PPARGC1A: variants seen among roughly 807,000 people sequenced by gnomAD.
PPARGC1A encodes peroxisome proliferator-activated receptor gamma coactivator 1-alpha.
In PPARGC1A, 25 loss-of-function variants were observed where a neutral mutation model predicts 88.7. The observed-to-expected ratio is 0.28, with a 90% CI of 0.21 to 0.39. The LOEUF (loss-of-function observed/expected upper bound fraction) is 0.39. Among genes scored for constraint, PPARGC1A ranks in the 10% least tolerant of loss-of-function variants. PPARGC1A has a pLI of 1.00. For missense variants in PPARGC1A, 880 were observed against 968.7 expected (o/e 0.91, Z 1.22); for synonymous variants, 363 against 355.6 (o/e 1.02, Z -0.24).
the PPARGC1A span, among the ~76,000 whole-genome samples, chr4:23,961,707 T>C: frequency 1.3e-5 from 2 of 149,918 alleles, no homozygotes; most frequent in Non-Finnish European, 3.0e-5. Flanking sequence ...ACAAGCCCCC[T>C]GTGCCAGAAC....
the PPARGC1A span, among the ~76,000 whole-genome samples, chr4:23,993,841 A>C: frequency 6.6e-6 from 1 of 152,114 alleles, no homozygotes. Context: ...CAGCACAGTA[A>C]AGGCACAATA....
the PPARGC1A span, among the ~76,000 whole-genome samples, chr4:24,048,594 C>T: frequency 6.6e-6 from 1 of 152,132 alleles, no homozygotes; most frequent in African/African-American, 2.4e-5. Flanking sequence ...AGGCTTCAGA[C>T]AGGATTCAAG....
At chr4:24,274,975 G>A in the PPARGC1A span, among the ~76,000 whole-genome samples, 2 of 152,094 alleles carry the variant, frequency 1.3e-5, no homozygotes, top group South Asian at 2.1e-4. Flanking sequence ...AAACTTTGCC[G>A]CTAAGAAATA....
At chr4:24,274,533 CTTTA>C in the PPARGC1A span, among the ~76,000 whole-genome samples, 3 of 152,212 alleles carry the variant, frequency 2.0e-5, no homozygotes, top group South Asian at 2.1e-4. Context: ...TCCAATAAAA[CTTTA>C]TTTATCTACA....
chr4:23,902,178 A>T (rs1439424275), upstream of PPARGC1A, among the ~76,000 whole-genome samples: 2 of 152,230 alleles, frequency 1.3e-5, no homozygotes, highest in African/African-American at 4.8e-5. Context: ...TAAAATTTTT[A>T]AAAATGTAGT....
chr4:24,251,646 T>C, the PPARGC1A span, among the ~76,000 whole-genome samples: 5 of 152,340 alleles, frequency 3.3e-5, no homozygotes, highest in African/African-American at 1.2e-4. Flanking sequence ...TCAGTACTTT[T>C]CACACATCAT....
At chr4:24,012,631 C>A in the PPARGC1A span, among the ~76,000 whole-genome samples, 2 of 152,092 alleles carry the variant, frequency 1.3e-5, no homozygotes, top group African/African-American at 2.4e-5. Context: ...GCCTCCTAAG[C>A]CCTTCCTTGT....
chr4:24,383,901 A>G, the PPARGC1A span, among the ~76,000 whole-genome samples: 1 of 152,192 alleles, frequency 6.6e-6, no homozygotes, highest in Non-Finnish European at 1.5e-5. Context: ...TCTCGAGAAG[A>G]GCAACCCCAA....
chr4:24,059,319 A>G, the PPARGC1A span, among the ~76,000 whole-genome samples: 4 of 152,220 alleles, frequency 2.6e-5, no homozygotes, highest in Non-Finnish European at 4.4e-5. Flanking sequence ...TGTCCAACGT[A>G]TCAATGCAAA....
the PPARGC1A span, among the ~76,000 whole-genome samples, chr4:24,186,601 G>A: frequency 6.6e-6 from 1 of 152,076 alleles, no homozygotes; most frequent in Non-Finnish European, 1.5e-5. Context: ...CCTGTCAGGT[G>A]GTGAGGAAGG....
chr4:23,871,103 T>G (rs368548422), intron 2 of PPARGC1A, among the ~76,000 whole-genome samples: 1 of 152,222 alleles, frequency 6.6e-6, no homozygotes, highest in Non-Finnish European at 1.5e-5. Context: ...CAGACTTAGT[T>G]ATCTGCCAAG....
chr4:24,416,662 G>A, the PPARGC1A span, among the ~76,000 whole-genome samples: 4 of 152,290 alleles, frequency 2.6e-5, no homozygotes, highest in African/African-American at 7.2e-5. Context: ...GAACTGGCCC[G>A]TGGGAGAGGC....
At chr4:24,149,812 A>G in the PPARGC1A span, among the ~76,000 whole-genome samples, 1 of 152,228 alleles carries the variant, frequency 6.6e-6, no homozygotes, top group Admixed American at 6.5e-5. Context: ...GTTATGAAAT[A>G]ATAGAAATTA....
the PPARGC1A span, among the ~76,000 whole-genome samples, chr4:24,422,441 T>C: frequency 6.6e-6 from 1 of 152,158 alleles, no homozygotes; most frequent in East Asian, 1.9e-4. Context: ...CATTTCAGAT[T>C]CTTTTTATTA....
the PPARGC1A span, among the ~76,000 whole-genome samples, chr4:24,230,313 C>A: frequency 6.6e-6 from 1 of 152,088 alleles, no homozygotes; most frequent in Non-Finnish European, 1.5e-5. Context: ...CAGTCAAAGC[C>A]CCCCACTTCA....
chr4:23,852,003 C>T (rs1729375116), intron 2 of PPARGC1A, among the ~76,000 whole-genome samples: 1 of 152,128 alleles, frequency 6.6e-6, no homozygotes, highest in Admixed American at 6.5e-5. Flanking sequence ...TCAAGCTGGT[C>T]CACAACCAAG....
the PPARGC1A span, among the ~76,000 whole-genome samples, chr4:23,969,668 A>G: frequency 6.6e-6 from 1 of 152,206 alleles, no homozygotes; most frequent in Non-Finnish European, 1.5e-5. Flanking sequence ...TCAGCTGTCC[A>G]GGAATCAACT....
chr4:23,828,307 C>T (rs745449853), intron 5 of PPARGC1A, 93 bp downstream of exon 5: 6 of 1,317,848 alleles, frequency 4.6e-6, no homozygotes, highest in Non-Finnish European at 6.5e-6. Context: ...GCTGATGGGA[C>T]GGAAGCAAGA....
chr4:23,892,126 T>G (rs1717939357), upstream of PPARGC1A, among the ~76,000 whole-genome samples: 2 of 152,246 alleles, frequency 1.3e-5, no homozygotes, highest in Non-Finnish European at 2.9e-5. Context: ...AGAGATGTTC[T>G]TTACATTAGA....
Sources: allele counts gnomAD v4.1 joint callset (sites outside exome capture counted in the v4.1 genomes callset), GRCh38; gene constraint gnomAD v4.1.1; transcripts MANE v1.5; gene names NCBI Gene and HGNC (gene_info 2026-07-23, HGNC 2026-07-21).